SLC22A23: variants seen among roughly 807,000 people sequenced by gnomAD.
The protein encoded by SLC22A23 is ion transporter protein.
SLC22A23 carries 26 observed loss-of-function variants against 61.0 expected under a neutral mutation model. That is an observed-to-expected ratio of 0.43 (90% confidence interval 0.31 to 0.59). The LOEUF is 0.59. Among genes scored for constraint, SLC22A23 ranks in the 20% least tolerant of loss-of-function variants. The probability of loss-of-function intolerance (pLI) is 0.11; values close to 1 mark genes in which losing one functional copy is unlikely to be tolerated. For missense variants in SLC22A23, 796 were observed against 934.7 expected (o/e 0.85, Z 1.94); for synonymous variants, 430 against 413.9 (o/e 1.04, Z -0.47).
At chr6:3,284,922 G>A (rs1191807448) in intron 8 of SLC22A23, 157 bp downstream of exon 8, 45 of 1,541,238 alleles carry the variant, frequency 2.9e-5, no homozygotes, top group Admixed American at 2.4e-4. Context: ...AAATGTATCC[G>A]TATAGTGTCC....
intron 3 of SLC22A23, among the ~76,000 whole-genome samples, chr6:3,325,927 C>T (rs192480092): frequency 1.1e-4 from 16 of 152,346 alleles, no homozygotes; most frequent in African/African-American, 3.4e-4. Flanking sequence ...GCTGGTACAG[C>T]AGACATATAT....
chr6:3,325,208 C>A (rs1486161466), intron 3 of SLC22A23, among the ~76,000 whole-genome samples: 13 of 152,128 alleles, frequency 8.5e-5, no homozygotes. Context: ...TGGTGGGCTT[C>A]ATGGATCAGC....
chr6:3,407,036 A>G (rs1218171354), intron 3 of SLC22A23, among the ~76,000 whole-genome samples: 6 of 152,246 alleles, frequency 3.9e-5, no homozygotes, highest in Non-Finnish European at 8.8e-5. Context: ...GACTAAAAAA[A>G]GAATGCTATC....
intron 3 of SLC22A23, among the ~76,000 whole-genome samples, chr6:3,336,293 C>T (rs1047592048): frequency 6.6e-6 from 1 of 152,230 alleles, no homozygotes; most frequent in Non-Finnish European, 1.5e-5. Flanking sequence ...CTCCATGCCA[C>T]GCCCACATTG....
chr6:3,284,901 A>G, intron 8 of SLC22A23, 178 bp downstream of exon 8: 1 of 1,537,550 alleles, frequency 6.5e-7, no homozygotes, highest in Non-Finnish European at 8.7e-7. Context: ...TAGAGGCAAG[A>G]GGGAGAATAC....
intron 3 of SLC22A23, among the ~76,000 whole-genome samples, chr6:3,384,476 C>T (rs1215858027): frequency 2.0e-5 from 3 of 152,138 alleles, no homozygotes; most frequent in Non-Finnish European, 2.9e-5. Flanking sequence ...CAAGAATAAA[C>T]ATGGAGGTAG....
rs1362756019 is a variant in SLC22A23, at chr6:3,278,570, G to A, written c.1704-5158C>T. ...GGACATCAACAGGCACGTGCTGTTT[G>A]TGCTTAATAAATACCGGATGCTTGC... On this transcript the variant is annotated intron_variant, in intron 9 of 9. Coordinates refer to ENST00000406686, the MANE Select transcript of SLC22A23 (RefSeq NM_015482.2). 5.9e-5 allele frequency among the ~76,000 whole-genome samples: 9 copies of A among 152,318 alleles called. No individual in the cohort carries two copies. The South Asian group carries it at 1.9e-3, about 32-fold the overall frequency.
intron 3 of SLC22A23, among the ~76,000 whole-genome samples, chr6:3,402,444 T>C (rs9503576): frequency 0.07 from 2,150 of 30,774 alleles, 22 homozygotes; most frequent in African/African-American, 0.15. Flanking sequence ...CTACCCAGAG[T>C]GCACTAGGCT....
chr6:3,409,754 A>G (rs146398072), intron 3 of SLC22A23, among the ~76,000 whole-genome samples: 1,525 of 152,334 alleles, frequency 0.01, 28 homozygotes, highest in African/African-American at 0.035. Context: ...TTCCAGTACC[A>G]ATGCTTAGGT....
At chr6:3,375,157 A>T (rs959289763) in intron 3 of SLC22A23, among the ~76,000 whole-genome samples, 2 of 152,222 alleles carry the variant, frequency 1.3e-5, no homozygotes, top group Admixed American at 6.5e-5. Context: ...AATGACAACA[A>T]GCTACAGGAA....
chr6:3,417,041 G>T (rs772213725), intron 1 of SLC22A23, among the ~76,000 whole-genome samples: 1 of 152,148 alleles, frequency 6.6e-6, no homozygotes, highest in Non-Finnish European at 1.5e-5. Flanking sequence ...GTAAGCTCAG[G>T]TCCTGCCTCA....
At chr6:3,413,910 G>A (rs1769464254) in intron 2 of SLC22A23, among the ~76,000 whole-genome samples, 1 of 152,088 alleles carries the variant, frequency 6.6e-6, no homozygotes, top group Non-Finnish European at 1.5e-5. Context: ...TGATTCCCGG[G>A]GCACCCCCTC....
Position 3,412,194 on chromosome 6 carries a change from T to C in SLC22A23, c.759-1852A>G, listed in dbSNP as rs945893429. On this transcript the variant is annotated intron_variant, in intron 2 of 9. Transcript: ENST00000406686. Reference sequence around the variant, plus strand: ...CATGGTTTGCTCTGTTCTGATATTTTAGAAAAGATGTTCGATTTTTTTAAG... The same window carrying C: ...CATGGTTTGCTCTGTTCTGATATTTCAGAAAAGATGTTCGATTTTTTTAAG... Among the ~76,000 whole-genome samples, 5 of 152,230 alleles carry C rather than the reference T, an allele frequency of 3.3e-5. No homozygotes were observed. The East Asian group carries it at 7.7e-4, about 23-fold the overall frequency.
At chr6:3,277,641 T>A (rs1759032731) in intron 9 of SLC22A23, among the ~76,000 whole-genome samples, 1 of 152,272 alleles carries the variant, frequency 6.6e-6, no homozygotes, top group African/African-American at 2.4e-5. Context: ...ACCAGATGTT[T>A]CCAGGGCAGG....
chr6:3,431,759 G>A (rs1770879309), intron 1 of SLC22A23, among the ~76,000 whole-genome samples: 1 of 152,188 alleles, frequency 6.6e-6, no homozygotes, highest in Non-Finnish European at 1.5e-5. Context: ...CTGAAAGTGA[G>A]GGCACAAGGC....
chr6:3,323,214 T>TATATATATATA (rs1255302328), intron 4 of SLC22A23: 1 of 455,934 alleles, frequency 2.2e-6, no homozygotes, highest in African/African-American at 2.0e-5. Flanking sequence ...GGGCAAGCTA[T>TATATATATATA]TTTTTGTAAA....
chr6:3,348,620 C>T (rs147488370), intron 3 of SLC22A23, among the ~76,000 whole-genome samples: 182 of 152,308 alleles, frequency 1.2e-3, no homozygotes, highest in African/African-American at 4.1e-3. Flanking sequence ...ATTCCCGGCA[C>T]GGAGCTGGGT....
chr6:3,441,948 C>G (rs547889343), intron 1 of SLC22A23, among the ~76,000 whole-genome samples: 2 of 152,128 alleles, frequency 1.3e-5, no homozygotes. Flanking sequence ...AGGGATTGTC[C>G]GGAACTGTCT....
Position 3,273,412 on chromosome 6 carries a change from C to T in SLC22A23, c.1704G>A (p.Arg568=). ...FCAEITPTVI[R]CGGLGLVLAS... Reference sequence around the variant, plus strand: ...CCAGCACCAGCCCCAGCCCGCCACACCTGCAGGGGGAGGGAAGCACAGGGA... The same window carrying T: ...CCAGCACCAGCCCCAGCCCGCCACATCTGCAGGGGGAGGGAAGCACAGGGA... Residue 568 remains arginine, a splice_region_variant and synonymous_variant, in exon 10 of 10, where the codon AGG becomes AGA. Coordinates refer to ENST00000406686, the MANE Select transcript of SLC22A23 (RefSeq NM_015482.2). 6.2e-7 allele frequency: 1 copy of T among 1,612,366 alleles called. No individual in the cohort carries two copies. The highest frequency in any genetic ancestry group is 1.7e-5 in the Admixed American group (1 of 60,020).
Sources: gnomAD v4.1 joint callset for allele counts (sites outside exome capture counted in the v4.1 genomes callset) on GRCh38, gnomAD v4.1.1 for gene constraint, MANE v1.5 for transcripts, NCBI Gene and HGNC (gene_info 2026-07-23, HGNC 2026-07-21) for gene names.